The following BCL9 variants were observed in gnomAD, a reference collection of about 807,000 sequenced individuals.
BCL9 encodes the protein B-cell CLL/lymphoma 9 protein.
A neutral mutation model predicts 88.5 loss-of-function variants in BCL9; 25 were observed. That is an observed-to-expected ratio of 0.28 (90% CI 0.21 to 0.39). The LOEUF (loss-of-function observed/expected upper bound fraction) is 0.39. Ranked by LOEUF, BCL9 falls within the 10% of genes least tolerant of loss-of-function variation. BCL9 has a pLI of 1.00. For missense variants in BCL9, 1,817 were observed against 1,877.8 expected, an observed-to-expected ratio of 0.97 and a Z score of 0.60; for synonymous variants, 711 against 673.3, an observed-to-expected ratio of 1.06 and a Z score of -0.87.
chr1:147,571,289 G>T (rs1307326034), intron 1 of BCL9, among the ~76,000 whole-genome samples: 1 of 152,124 alleles, frequency 6.6e-6, no homozygotes, highest in Admixed American at 6.5e-5. Context: ...TCTGGTCTCA[G>T]ATCTGAGTCT....
In BCL9 at chr1:147,622,320, T is replaced by G; in HGVS notation, c.2952T>G (p.Pro984=). 6.2e-7 allele frequency: 1 copy of G among 1,614,202 alleles called. No homozygotes were observed. Among genetic ancestry groups the G allele is most frequent in the Middle Eastern group, 1.6e-4 (1 of 6,062 alleles). The change falls in exon 9 of 10, where the codon CCT becomes CCG. Residue 984 remains proline, a synonymous_variant. Coordinates refer to ENST00000234739, the MANE Select transcript of BCL9 (RefSeq NM_004326.4). ...TASQPASVNI[P]GSLPSSTPYT... ...GCCAGCCTGCCTCTGTGAATATCCC[T>G]GGAAGTCTTCCCTCTAGTACACCTT...
Position 147,620,468 on chromosome 1 carries a change from G to A in BCL9, c.2313G>A (p.Glu771=). Residue 771 remains glutamate, a synonymous_variant, in exon 8 of 10, where the codon GAG becomes GAA. Coordinates refer to ENST00000234739, the MANE Select transcript of BCL9 (RefSeq NM_004326.4). ...AGATGGTGCCACTGCCATTTGGTGA[G>A]CACCCCCAGCAGGAGTATGGCATGG... ...QQKMVPLPFG[E]HPQQEYGMGP... 5 of 1,614,072 alleles carry A rather than the reference G, an allele frequency of 3.1e-6. No individual in the cohort carries two copies. Among genetic ancestry groups the A allele is most frequent in the East Asian group, 2.2e-5 (1 of 44,866 alleles).
At chr1:147,578,578 G>A (rs587594631) in intron 1 of BCL9, among the ~76,000 whole-genome samples, 1 of 152,266 alleles carries the variant, frequency 6.6e-6, no homozygotes, top group South Asian at 2.1e-4. Context: ...TTGGAGAAGG[G>A]ATACTCAATC....
intron 1 of BCL9, among the ~76,000 whole-genome samples, chr1:147,549,738 G>T (rs1654799796): frequency 1.3e-5 from 2 of 152,220 alleles, no homozygotes; most frequent in Non-Finnish European, 2.9e-5. Flanking sequence ...GATAGAGCCT[G>T]CAATCAAGAC....
rs1387221635 is a variant in BCL9, at chr1:147,614,576, G to A, written c.520G>A (p.Ala174Thr). 7 of 1,613,938 alleles carry A rather than the reference G, an allele frequency of 4.3e-6. No individual in the cohort carries two copies. Among genetic ancestry groups the A allele is most frequent in the Non-Finnish European group, 1.7e-6 (2 of 1,179,968 alleles). ...TEPTPAQKTP[A>T]KVVYVFSTEM... ...GCCCACACCTGCTCAGAAGACTCCA[G>A]CCAAAGTGGTGTACGTGTTTTCTAC... Residue 174 changes from alanine (A) to threonine (T), a missense_variant, in exon 6 of 10, where the codon GCC (alanine) becomes ACC (threonine). Ala to Thr is a moderately conservative substitution (Grantham distance 58, BLOSUM62 0). Transcript: ENST00000234739.
chr1:147,581,608 G>A (rs1656374106), intron 1 of BCL9, among the ~76,000 whole-genome samples: 1 of 152,194 alleles, frequency 6.6e-6, no homozygotes, highest in East Asian at 1.9e-4. Flanking sequence ...AACCCTGTGA[G>A]TCCCCAAGCC....
At chr1:147,593,347 TATAC>T (rs1279707620) in intron 1 of BCL9, among the ~76,000 whole-genome samples, 1 of 152,366 alleles carries the variant, frequency 6.6e-6, no homozygotes, top group Non-Finnish European at 1.5e-5. Context: ...TGGTTAATTA[TATAC>T]ATTGTCACAC....
intron 1 of BCL9, among the ~76,000 whole-genome samples, chr1:147,600,021 G>A (rs1399268230): frequency 7.3e-5 from 11 of 150,746 alleles, no homozygotes; most frequent in Non-Finnish European, 1.6e-4. Context: ...CCGGTGGGGA[G>A]GGGGCACCCT....
intron 1 of BCL9, among the ~76,000 whole-genome samples, chr1:147,587,399 C>G (rs1295019317): frequency 6.6e-6 from 1 of 152,194 alleles, no homozygotes; most frequent in Non-Finnish European, 1.5e-5. Context: ...CGCCCCTCCC[C>G]CGGAACAGGC....
At chr1:147,554,965 G>T (rs1553195260) in intron 1 of BCL9, among the ~76,000 whole-genome samples, 4 of 152,100 alleles carry the variant, frequency 2.6e-5, no homozygotes, top group Non-Finnish European at 4.4e-5. Context: ...CTTGGCAAGA[G>T]ATTTTAGAAG....
Position 147,620,610 on chromosome 1 carries a change from C to T in BCL9, c.2455C>T (p.Pro819Ser). The change falls in exon 8 of 10, where the codon CCA becomes TCA. Residue 819 changes from proline to serine, a missense_variant. By Grantham distance (74) the Pro-to-Ser change is moderately conservative (BLOSUM62 -1). Coordinates refer to ENST00000234739, the MANE Select transcript of BCL9 (RefSeq NM_004326.4). Reference protein sequence around the residue: ...RTNSRLSHMPPLPLNPSSNPT... With the variant: ...RTNSRLSHMPSLPLNPSSNPT... ...TAACAGCCGGCTCAGTCATATGCCA[C>T]CACTACCTCTCAACCCTTCCAGTAA... 1 of 1,614,192 alleles carries T rather than the reference C, an allele frequency of 6.2e-7. No homozygotes were observed. The highest frequency in any genetic ancestry group is 8.5e-7 in the Non-Finnish European group (1 of 1,180,042).
chr1:147,625,152 A>T lies in BCL9; in HGVS notation c.*193A>T. ...AAAACAAATTATTCATTTAATCAACAGGTGTGTTTTTTTTAAGATTTATTT... is the reference window on the plus strand; with the variant it reads ...AAAACAAATTATTCATTTAATCAACTGGTGTGTTTTTTTTAAGATTTATTT... On this transcript the variant is annotated 3_prime_UTR_variant, in exon 10 of 10. Coordinates refer to ENST00000234739, the MANE Select transcript of BCL9 (RefSeq NM_004326.4). 1.6e-6 allele frequency: 1 copy of T among 629,132 alleles called. No individual in the cohort carries two copies. The highest frequency in any genetic ancestry group is 2.5e-6 in the Non-Finnish European group (1 of 399,036). The allele number at this position is 629,132 out of a possible 1,614,324, so 39.0% of individuals were successfully genotyped here. A position where few individuals can be genotyped will look rare whatever the true frequency, so the allele number is the denominator to read the frequency against.
At chr1:147,602,126 C>T (rs587686648) in intron 1 of BCL9, among the ~76,000 whole-genome samples, 181 of 151,814 alleles carry the variant, frequency 1.2e-3, no homozygotes, top group African/African-American at 4.1e-3. Flanking sequence ...GTCTCGAGCT[C>T]CTGACTTCTG....
At chr1:147,621,682 C>T (rs1050693161) in intron 8 of BCL9, among the ~76,000 whole-genome samples, 3 of 152,226 alleles carry the variant, frequency 2.0e-5, no homozygotes, top group South Asian at 2.1e-4. Context: ...GCTGTCTCCA[C>T]CTGAGAAAGA....
At chr1:147,600,257 GCGGGGCTGAGAGCC>G in intron 1 of BCL9, 1 of 159,886 alleles carries the variant, frequency 6.3e-6, no homozygotes, top group Non-Finnish European at 1.3e-5. Context: ...CCCCGGCCCC[GCGGGGCTGAGAGCC>G]GCCCCGGACC....
intron 1 of BCL9, among the ~76,000 whole-genome samples, chr1:147,600,818 T>C (rs1215644443): frequency 3.3e-5 from 5 of 151,768 alleles, no homozygotes; most frequent in South Asian, 2.1e-4. Flanking sequence ...AGGAAGAATG[T>C]GTGAGTAGTT....
chr1:147,594,203 G>A (rs587645410), intron 1 of BCL9, among the ~76,000 whole-genome samples: 4 of 152,294 alleles, frequency 2.6e-5, no homozygotes, highest in South Asian at 4.1e-4. Flanking sequence ...TATCTGGCAA[G>A]AGCATGTAGA....
At chr1:147,582,951 C>T (rs1656431845) in intron 1 of BCL9, among the ~76,000 whole-genome samples, 1 of 152,174 alleles carries the variant, frequency 6.6e-6, no homozygotes, top group South Asian at 2.1e-4. Context: ...TTTTTTAATT[C>T]TTTGTTAATT....
chr1:147,569,258 T>TG (rs1287285639), intron 1 of BCL9, among the ~76,000 whole-genome samples: 4 of 151,964 alleles, frequency 2.6e-5, no homozygotes, highest in Non-Finnish European at 5.9e-5. Flanking sequence ...AGTATTTTCT[T>TG]GAAAAAGATT....
Sources: gnomAD v4.1 joint callset for allele counts (sites outside exome capture counted in the v4.1 genomes callset) on GRCh38, gnomAD v4.1.1 for gene constraint, MANE v1.5 for transcripts, NCBI Gene and HGNC (gene_info 2026-07-23, HGNC 2026-07-21) for gene names.